The following GLIS3 variants were observed in gnomAD, a reference collection of about 807,000 sequenced individuals.
The protein encoded by GLIS3 is zinc finger protein GLIS3.
GLIS3 carries 53 observed loss-of-function variants against 78.6 expected under a neutral mutation model. The observed-to-expected ratio is 0.67, with a 90% CI of 0.54 to 0.85. The LOEUF is 0.85. GLIS3 is among the 40% of genes least tolerant of loss of function. The pLI is 0.00. For missense variants in GLIS3, 1,703 were observed against 1,231.1 expected (o/e 1.38, Z -5.74); for synonymous variants, 684 against 509.9 (o/e 1.34, Z -4.60).
rs542636651 is a variant in GLIS3 at position 4,138,146 on chromosome 9, G to C, written c.389-12205C>G. On this transcript the variant is annotated intron_variant, in intron 2 of 10. Coordinates refer to ENST00000381971, the MANE Select transcript of GLIS3 (RefSeq NM_001042413.2). ...GGCTTAGATCAAGCCTCATCTGGTG[G>C]ACACATCTGTGAAAATATATAAAAG... Among the ~76,000 whole-genome samples the C allele has an allele frequency of 5.9e-5, 9 of 152,316 alleles. No homozygotes were observed. The South Asian group carries it at 1.0e-3, about 18-fold the overall frequency.
At chr9:4,067,904 G>A (rs1346654837) in intron 4 of GLIS3, among the ~76,000 whole-genome samples, 2 of 151,976 alleles carry the variant, frequency 1.3e-5, no homozygotes, top group Non-Finnish European at 2.9e-5. Flanking sequence ...CCACCGAGCT[G>A]TCAAAGAAAA....
chr9:4,115,222 T>A (rs2130862947), intron 4 of GLIS3, among the ~76,000 whole-genome samples: 1 of 152,294 alleles, frequency 6.6e-6, no homozygotes, highest in East Asian at 1.9e-4. Flanking sequence ...AACTCTATCA[T>A]ACACAGAAAA....
chr9:4,163,759 A>G (rs1051871689), intron 2 of GLIS3, among the ~76,000 whole-genome samples: 1 of 152,238 alleles, frequency 6.6e-6, no homozygotes. Context: ...TGAGAAAATT[A>G]GGTATGCTCA....
At chr9:4,198,825 C>T (rs1463493434) in intron 2 of GLIS3, among the ~76,000 whole-genome samples, 1 of 152,126 alleles carries the variant, frequency 6.6e-6, no homozygotes, top group Non-Finnish European at 1.5e-5. Context: ...AAGGTCAGGT[C>T]ACATACAATG....
chr9:3,897,131 A>C (rs929720266), intron 7 of GLIS3, among the ~76,000 whole-genome samples: 11 of 152,210 alleles, frequency 7.2e-5, no homozygotes, highest in Non-Finnish European at 1.6e-4. Flanking sequence ...TTTTCCATAG[A>C]TATGGATAGC....
the GLIS3 span, among the ~76,000 whole-genome samples, chr9:4,401,764 T>G: frequency 6.6e-6 from 1 of 151,866 alleles, no homozygotes; most frequent in South Asian, 2.1e-4. Flanking sequence ...GCTAATTTTT[T>G]TTTTCATATT....
chr9:4,312,053 T>C lies in GLIS3; in HGVS notation n.265-1525A>G, dbSNP rs139346461. Among the ~76,000 whole-genome samples the C allele has an allele frequency of 7.7e-3, 1,170 of 152,298 alleles. 10 individuals carry two copies. The highest frequency in any genetic ancestry group is 0.012 in the Non-Finnish European group (827 of 68,014). On this transcript the variant is annotated intron_variant and non_coding_transcript_variant, in intron 2 of 4. Coordinates refer to the GLIS3 transcript ENST00000471664. ...CTGGGTACGAGGCTTAGAATCTGGG[T>C]CACAAAACAATTTGTACAACAAACC...
the GLIS3 span, among the ~76,000 whole-genome samples, chr9:4,470,338 C>T: frequency 2.6e-5 from 4 of 152,164 alleles, no homozygotes; most frequent in East Asian, 1.9e-4. Context: ...CGATGAATAT[C>T]GAGGCAAAAA....
chr9:4,379,940 T>C, the GLIS3 span, among the ~76,000 whole-genome samples: 2 of 150,236 alleles, frequency 1.3e-5, no homozygotes, highest in Admixed American at 1.3e-4. Flanking sequence ...AAAGGAGGTC[T>C]GTCTTAGAGG....
At chr9:3,971,695 T>A (rs1244937351) in intron 4 of GLIS3, among the ~76,000 whole-genome samples, 2 of 152,180 alleles carry the variant, frequency 1.3e-5, no homozygotes, top group African/African-American at 4.8e-5. Flanking sequence ...GTAACTGCTC[T>A]ATTTCGTGCA....
chr9:3,931,407 C>T (rs1011489177), intron 6 of GLIS3, among the ~76,000 whole-genome samples: 1 of 152,142 alleles, frequency 6.6e-6, no homozygotes, highest in Admixed American at 6.5e-5. Flanking sequence ...ACCTGAAACC[C>T]TTGCCATGGG....
chr9:4,332,715 T>C (rs944621906), intron 2 of GLIS3, among the ~76,000 whole-genome samples: 1 of 152,256 alleles, frequency 6.6e-6, no homozygotes, highest in Non-Finnish European at 1.5e-5. Flanking sequence ...TTGTAGCTAA[T>C]AGGCGGGAGT....
the GLIS3 span, among the ~76,000 whole-genome samples, chr9:4,373,901 C>G: frequency 6.6e-6 from 1 of 152,046 alleles, no homozygotes; most frequent in African/African-American, 2.4e-5. Context: ...TTCCTGACCT[C>G]GTGATCTGCC....
At chr9:3,904,826 T>C (rs144895561) in intron 6 of GLIS3, among the ~76,000 whole-genome samples, 73 of 152,340 alleles carry the variant, frequency 4.8e-4, no homozygotes, top group Non-Finnish European at 9.4e-4. Context: ...ATGTCAGGCT[T>C]GGATTTCGGT....
intron 2 of GLIS3, among the ~76,000 whole-genome samples, chr9:4,145,728 T>C (rs1240350092): frequency 6.6e-6 from 1 of 151,864 alleles, no homozygotes; most frequent in African/African-American, 2.4e-5. Flanking sequence ...TCCTGCCAGC[T>C]TCCCTCCTCC....
At chr9:4,096,454 C>T (rs892653639) in intron 4 of GLIS3, among the ~76,000 whole-genome samples, 2 of 152,140 alleles carry the variant, frequency 1.3e-5, no homozygotes, top group African/African-American at 4.8e-5. Flanking sequence ...TCTCAATGAC[C>T]CTTTCTTTAA....
chr9:4,331,220 G>A (rs1817680195), intron 2 of GLIS3, among the ~76,000 whole-genome samples: 1 of 152,118 alleles, frequency 6.6e-6, no homozygotes, highest in African/African-American at 2.4e-5. Context: ...AAGGTCACAG[G>A]CACTCCTTGG....
chr9:3,924,595 G>A (rs905016748), intron 6 of GLIS3, among the ~76,000 whole-genome samples: 6 of 152,156 alleles, frequency 3.9e-5, no homozygotes, highest in African/African-American at 1.4e-4. Context: ...ACAGATCAGA[G>A]AGCCAAGATA....
At chr9:4,270,888 G>GGTGTGTGT (rs148679668) in intron 2 of GLIS3, among the ~76,000 whole-genome samples, 2 of 146,910 alleles carry the variant, frequency 1.4e-5, no homozygotes, top group African/African-American at 5.0e-5. Flanking sequence ...CAATCTGTGT[G>GGTGTGTGT]GTGTGTGTGT....
Sources: gnomAD v4.1 joint callset for allele counts (sites outside exome capture counted in the v4.1 genomes callset) on GRCh38, gnomAD v4.1.1 for gene constraint, MANE v1.5 for transcripts, NCBI Gene and HGNC (gene_info 2026-07-23, HGNC 2026-07-21) for gene names.